Variants in MARK2 observed in about 807,000 individuals in gnomAD.
MARK2 encodes microtubule affinity regulating kinase 2.
In MARK2, 16 loss-of-function variants were observed where a neutral mutation model predicts 89.8. The observed-to-expected ratio is 0.18, with a 90% CI of 0.12 to 0.27. The LOEUF is 0.27. MARK2 is among the 10% of genes least tolerant of loss of function. The probability of loss-of-function intolerance (pLI) is 1.00; values close to 1 mark genes in which losing one functional copy is unlikely to be tolerated. For synonymous variants in MARK2, 382 were observed against 399.5 expected (o/e 0.96, Z 0.52); for missense variants, 621 against 1,049.9 (o/e 0.59, Z 5.65).
intron 1 of MARK2, among the ~76,000 whole-genome samples, chr11:63,891,746 G>GT (rs1223494508): frequency 2.0e-5 from 3 of 152,250 alleles, no homozygotes; most frequent in South Asian, 4.1e-4. Flanking sequence ...CAGAAGGAAG[G>GT]TTTTTTCCTG....
chr11:63,873,300 T>C (rs552385572), intron 1 of MARK2, among the ~76,000 whole-genome samples: 154 of 152,190 alleles, frequency 1.0e-3, no homozygotes, highest in Non-Finnish European at 1.8e-3. Context: ...GGTTCTTTAG[T>C]TCCTAAGCTC....
Position 63,903,230 on chromosome 11 carries a change from A to C in MARK2, c.1514+72A>C. On this transcript the variant is annotated intron_variant, in intron 14 of 18. Coordinates refer to ENST00000402010, the MANE Select transcript of MARK2 (RefSeq NM_001039469.3). This position sits in a 1 kb window ranked among gnomAD's most constrained non-coding sequence, Gnocchi z 5.1. ...TCACAGGGTGATGTCTGTCAGCAGC[A>C]CCGTCTCCTGTCCCTGCCAGCGCAT... The C allele has an allele frequency of 8.5e-7, 1 of 1,175,566 alleles. No individual in the cohort carries two copies. Among genetic ancestry groups the C allele is most frequent in the African/African-American group, 1.5e-5 (1 of 66,690 alleles). 72.8% of individuals were successfully genotyped at this position (1,175,566 alleles called of 1,614,324 possible).
intron 1 of MARK2, among the ~76,000 whole-genome samples, chr11:63,878,363 T>C (rs1938896310): frequency 7.6e-6 from 1 of 131,574 alleles, no homozygotes; most frequent in Non-Finnish European, 1.6e-5. Context: ...TCAAGTCTTT[T>C]TTTTTTTTTT....
intron 1 of MARK2, among the ~76,000 whole-genome samples, chr11:63,885,377 A>G (rs748583410): frequency 6.6e-6 from 1 of 151,634 alleles, no homozygotes; most frequent in Non-Finnish European, 1.5e-5. Flanking sequence ...TATCTCTACA[A>G]AAAATACAAA....
chr11:63,898,935 T>G (rs1940640644), intron 6 of MARK2, 102 bp downstream of exon 6: 2 of 1,264,742 alleles, frequency 1.6e-6, no homozygotes, highest in Non-Finnish European at 1.2e-6. Context: ...TGGAGGGTAC[T>G]TTGGGCTCTG....
chr11:63,850,315 ATTTTTTTTT>A (rs34074167), intron 1 of MARK2, among the ~76,000 whole-genome samples: 23 of 95,768 alleles, frequency 2.4e-4, no homozygotes, highest in East Asian at 9.4e-4. Flanking sequence ...TACCTGGCTA[ATTTTTTTTT>A]TTTTTTTTTT....
Position 63,871,566 on chromosome 11 carries a change from G to C in MARK2, c.55-23593G>C, listed in dbSNP as rs575734030. Among the ~76,000 whole-genome samples, 28 of 150,938 alleles carry C rather than the reference G, an allele frequency of 1.9e-4. No individual in the cohort carries two copies. In the South Asian group the frequency reaches 3.4e-3, roughly 18 times the overall value. On this transcript the variant is annotated intron_variant, in intron 1 of 18. Coordinates refer to ENST00000402010, the MANE Select transcript of MARK2 (RefSeq NM_001039469.3). The stretch of plus-strand genomic sequence containing the variant: ...GGGTGAAGAGTATTCACTGTGTGCA[G>C]GTGTGGGTGAAGAGTATTCACTGTG...
chr11:63,887,916 A>G (rs1939500791), intron 1 of MARK2, among the ~76,000 whole-genome samples: 1 of 152,202 alleles, frequency 6.6e-6, no homozygotes, highest in Non-Finnish European at 1.5e-5. Context: ...GTGAGAACCT[A>G]GGGATGAACG....
intron 1 of MARK2, among the ~76,000 whole-genome samples, chr11:63,856,768 G>GTTTTTTTTTTTT (rs71039681): frequency 3.7e-5 from 2 of 53,806 alleles, no homozygotes; most frequent in African/African-American, 7.3e-5. Flanking sequence ...AATTTTTCAT[G>GTTTTTTTTTTTT]TTTTTTTTTT....
chr11:63,898,906 C>CCTGT, intron 6 of MARK2, 73 bp downstream of exon 6: 1 of 1,427,600 alleles, frequency 7.0e-7, no homozygotes, highest in Non-Finnish European at 9.9e-7. Flanking sequence ...GGATAAGCTG[C>CCTGT]CTGTCTGTAA....
At chr11:63,859,631 ATCTT>A (rs1382545411) in intron 1 of MARK2, among the ~76,000 whole-genome samples, 6 of 145,358 alleles carry the variant, frequency 4.1e-5, no homozygotes, top group Non-Finnish European at 9.0e-5. Flanking sequence ...CCCTATTTCT[ATCTT>A]TCTTTTTTTT....
chr11:63,894,024 C>G (rs1336541379), intron 1 of MARK2, among the ~76,000 whole-genome samples: 3 of 152,206 alleles, frequency 2.0e-5, no homozygotes, highest in African/African-American at 7.2e-5. Flanking sequence ...TGTTTATATG[C>G]CTCTTCAGTG....
chr11:63,908,228 G>T, intron 17 of MARK2, 32 bp from the exon 18 acceptor site: 1 of 1,547,476 alleles, frequency 6.5e-7, no homozygotes, highest in Non-Finnish European at 8.8e-7. Flanking sequence ...AGAGATCCCA[G>T]CACTAAACTC....
intron 1 of MARK2, among the ~76,000 whole-genome samples, chr11:63,865,454 C>T (rs1181673742): frequency 6.6e-6 from 1 of 152,226 alleles, no homozygotes; most frequent in Non-Finnish European, 1.5e-5. Context: ...TGTTGGCTTT[C>T]TTCAGAGTGG....
chr11:63,871,490 G>A (rs907370225), intron 1 of MARK2, among the ~76,000 whole-genome samples: 6 of 151,888 alleles, frequency 4.0e-5, no homozygotes, highest in African/African-American at 1.5e-4. Flanking sequence ...TGGCTGAAGA[G>A]TATTCACTGT....
In MARK2 at chr11:63,900,796, G is replaced by A. The variant is rs199684279; in HGVS notation, c.905G>A (p.Arg302Gln). ...RGTLEQIMKD[R>Q]WMNVGHEDDE... ...GCTCCCCAGCAAATCATGAAAGATC[G>A]ATGGATGAATGTGGGTCACGAAGAT... Residue 302 changes from arginine to glutamine, a missense_variant, in exon 10 of 19, where the codon CGA (arginine) becomes CAA (glutamine). By Grantham distance (43) the Arg-to-Gln change is conservative. Transcript: ENST00000402010. This position sits in a 1 kb window ranked among gnomAD's most constrained non-coding sequence, Gnocchi z 4.7. The A allele has an allele frequency of 2.1e-5, 34 of 1,614,002 alleles. No homozygotes were observed. Among genetic ancestry groups the A allele is most frequent in the Non-Finnish European group, 2.7e-5 (32 of 1,180,012 alleles).
chr11:63,898,084 G>C (rs1590676674), intron 3 of MARK2, 148 bp from the exon 4 acceptor site: 5 of 679,554 alleles, frequency 7.4e-6, no homozygotes, highest in East Asian at 2.6e-5. Context: ...CCACAGGGAA[G>C]GCCGTGCATG....
intron 1 of MARK2, among the ~76,000 whole-genome samples, chr11:63,866,087 A>G (rs938654800): frequency 3.2e-4 from 48 of 152,088 alleles, no homozygotes; most frequent in Non-Finnish European, 6.2e-4. Flanking sequence ...TCTGAAATAT[A>G]TATTTTAAGA....
intron 1 of MARK2, among the ~76,000 whole-genome samples, chr11:63,871,618 T>A (rs954530409): frequency 1.4e-5 from 2 of 144,754 alleles, no homozygotes; most frequent in Non-Finnish European, 3.0e-5. Context: ...GAGTATTCAC[T>A]GTGTGCAGGT....
Sources: gnomAD v4.1 joint callset for allele counts (sites outside exome capture counted in the v4.1 genomes callset) on GRCh38, gnomAD v4.1.1 for gene constraint, Gnocchi (gnomAD v3.1) non-coding constraint, MANE v1.5 for transcripts, NCBI Gene and HGNC (gene_info 2026-07-23, HGNC 2026-07-21) for gene names.